The following MYRIP variants were observed in gnomAD, a reference collection of about 807,000 sequenced individuals.
MYRIP encodes myosin VIIA and Rab interacting protein, also known as rab effector MyRIP.
In MYRIP, 49 loss-of-function variants were observed where a neutral mutation model predicts 98.0. The ratio of observed to expected loss-of-function variants is 0.50; its 90% CI spans 0.40 to 0.63. The LOEUF (loss-of-function observed/expected upper bound fraction) is 0.63. MYRIP is among the 30% of genes least tolerant of loss of function. The probability of loss-of-function intolerance (pLI) is 0.00; values close to 1 mark genes in which losing one functional copy is unlikely to be tolerated. For synonymous variants in MYRIP, 404 were observed against 409.5 expected, an observed-to-expected ratio of 0.99 and a Z score of 0.16; for missense variants, 1,004 against 1,058.2, an observed-to-expected ratio of 0.95 and a Z score of 0.71.
chr3:40,134,119 G>A lies in MYRIP; in HGVS notation c.333-16929G>A, dbSNP rs149295796. On this transcript the variant is annotated intron_variant, in intron 3 of 16. Coordinates refer to ENST00000302541, the MANE Select transcript of MYRIP (RefSeq NM_015460.4). ...CACCCGGGAAGCGCAAGAAATCAGG[G>A]AATTCCCTTTCCGAGTCAAAAAAAG... Among the ~76,000 whole-genome samples, 1,401 of 152,334 alleles carry A rather than the reference G, an allele frequency of 9.2e-3. 10 individuals are homozygous for A. The highest frequency in any genetic ancestry group is 0.014 in the South Asian group (69 of 4,830).
intron 2 of MYRIP, among the ~76,000 whole-genome samples, chr3:39,983,354 G>T (rs1300213752): frequency 2.0e-5 from 3 of 152,116 alleles, no homozygotes; most frequent in East Asian, 1.9e-4. Context: ...TGCGTATCAG[G>T]TATACATTCA....
In MYRIP at chr3:39,977,278, G is replaced by C. The variant is rs191295706; in HGVS notation, c.111-66772G>C. The stretch of plus-strand genomic sequence containing the variant: ...TGAGGACTAGAAGGAAATGAGGGGG[G>C]CAAGTCTTCAGGCCAGGCTCAGGCT... On this transcript the variant is annotated intron_variant, in intron 2 of 16. Transcript: ENST00000302541. Among the ~76,000 whole-genome samples the C allele has an allele frequency of 5.5e-3, 835 of 152,168 alleles. 5 individuals carry two copies. The highest frequency in any genetic ancestry group is 8.1e-3 in the Admixed American group (124 of 15,288).
chr3:40,239,309 G>C (rs1952925194), intron 12 of MYRIP, among the ~76,000 whole-genome samples: 1 of 150,632 alleles, frequency 6.6e-6, no homozygotes, highest in South Asian at 2.1e-4. Flanking sequence ...GTCTATCATT[G>C]TTGGACATTT....
At chr3:40,196,286 T>G (rs1951392405) in intron 10 of MYRIP, among the ~76,000 whole-genome samples, 1 of 152,164 alleles carries the variant, frequency 6.6e-6, no homozygotes, top group South Asian at 2.1e-4. Flanking sequence ...TTTTACTTTC[T>G]TGTTTTCATA....
At position 40,016,720 on chromosome 3, in the gene MYRIP, C is replaced by T. The variant is rs1946869739; in HGVS notation, c.111-27330C>T. ...TCTGATCTAAGTCAGAGGTCATTGT[C>T]ACAGCTTGAAATTACTGTATCTCAA... On this transcript the variant is annotated intron_variant, in intron 2 of 16. Coordinates refer to ENST00000302541, the MANE Select transcript of MYRIP (RefSeq NM_015460.4). 4.6e-5 allele frequency among the ~76,000 whole-genome samples: 7 copies of T among 152,320 alleles called. 1 individual carries two copies. The South Asian group carries it at 1.5e-3, about 32-fold the overall frequency.
rs553586843 is a variant in MYRIP, at chr3:39,921,710, G to A, written c.110+20784G>A. Among the ~76,000 whole-genome samples the A allele has an allele frequency of 3.8e-3, 579 of 151,896 alleles. 6 individuals carry two copies. Among genetic ancestry groups the A allele is most frequent in the Non-Finnish European group, 7.5e-4 (51 of 67,920 alleles). On this transcript the variant is annotated intron_variant, in intron 2 of 16. Coordinates refer to ENST00000302541, the MANE Select transcript of MYRIP (RefSeq NM_015460.4). ...AGCCTGGCCAACATGGTGAAACCCC[G>A]TCTCTACTAAAAATACAAAAATTAG...
chr3:39,857,255 G>GAGGGAGGAAGGAAGGAAGGAAGGA (rs1553639786), intron 1 of MYRIP, among the ~76,000 whole-genome samples: 1 of 135,860 alleles, frequency 7.4e-6, no homozygotes, highest in African/African-American at 3.0e-5. Context: ...GGGAGGGAGG[G>GAGGGAGGAAGGAAGGAAGGAAGGA]AGGAAGGAAG....
At chr3:39,875,715 A>G (rs1445640595) in intron 1 of MYRIP, among the ~76,000 whole-genome samples, 1 of 150,892 alleles carries the variant, frequency 6.6e-6, no homozygotes, top group Non-Finnish European at 1.5e-5. Context: ...ACAGTTTGTT[A>G]TAATTTCTGT....
intron 1 of MYRIP, among the ~76,000 whole-genome samples, chr3:39,868,540 C>A (rs1014606026): frequency 1.3e-5 from 2 of 152,082 alleles, no homozygotes; most frequent in Admixed American, 1.3e-4. Flanking sequence ...TATTGAGCAC[C>A]AATTATATGC....
intron 3 of MYRIP, among the ~76,000 whole-genome samples, chr3:40,105,631 A>G (rs944872388): frequency 1.3e-5 from 2 of 152,122 alleles, no homozygotes; most frequent in African/African-American, 4.8e-5. Context: ...TTAAAGAAAT[A>G]CCCAAGATTG....
intron 1 of MYRIP, among the ~76,000 whole-genome samples, chr3:39,882,079 T>C (rs1943169747): frequency 6.6e-6 from 1 of 152,192 alleles, no homozygotes; most frequent in African/African-American, 2.4e-5. Context: ...TAATCTGATT[T>C]ATGAATATTA....
At chr3:39,951,769 A>G (rs1210343426) in intron 2 of MYRIP, among the ~76,000 whole-genome samples, 2 of 152,132 alleles carry the variant, frequency 1.3e-5, no homozygotes, top group Non-Finnish European at 2.9e-5. Context: ...CCCCTATTCT[A>G]GAGGACTCTG....
At chr3:40,083,609 A>T (rs558871103) in intron 3 of MYRIP, among the ~76,000 whole-genome samples, 1 of 152,218 alleles carries the variant, frequency 6.6e-6, no homozygotes, top group African/African-American at 2.4e-5. Context: ...ATCCAGATCT[A>T]TGCCAAGACA....
At chr3:40,240,733 A>G (rs1952983659) in intron 12 of MYRIP, among the ~76,000 whole-genome samples, 1 of 152,170 alleles carries the variant, frequency 6.6e-6, no homozygotes, top group African/African-American at 2.4e-5. Flanking sequence ...CACCCTCCAC[A>G]GCAGCACGCA....
chr3:40,143,408 G>A (rs369647803), intron 3 of MYRIP, among the ~76,000 whole-genome samples: 1 of 152,142 alleles, frequency 6.6e-6, no homozygotes, highest in East Asian at 1.9e-4. Context: ...GGGTGCTGGG[G>A]TCCTCACAGC....
intron 1 of MYRIP, among the ~76,000 whole-genome samples, chr3:39,822,666 C>T (rs148044929): frequency 1.3e-5 from 2 of 152,160 alleles, no homozygotes; most frequent in Non-Finnish European, 2.9e-5. Context: ...AATTTTGTAT[C>T]ATTTAACAAT....
chr3:40,233,788 CAT>C (rs1952735327), intron 11 of MYRIP, 69 bp from the exon 12 acceptor site: 2 of 1,395,608 alleles, frequency 1.4e-6, no homozygotes, highest in Admixed American at 2.0e-5. Context: ...GTCATGATAA[CAT>C]AGAATTTCTG....
intron 3 of MYRIP, among the ~76,000 whole-genome samples, chr3:40,128,857 G>A (rs969105976): frequency 1.3e-5 from 2 of 152,172 alleles, no homozygotes; most frequent in African/African-American, 4.8e-5. Context: ...ACAAAGGAAT[G>A]TTAGTTTAGC....
At chr3:40,234,135 TG>T (rs1248713044) in intron 12 of MYRIP, 82 bp downstream of exon 12, 1 of 1,393,016 alleles carries the variant, frequency 7.2e-7, no homozygotes, top group African/African-American at 1.5e-5. Flanking sequence ...TCGTGAAGAG[TG>T]CAAGGACACA....
Sources: gnomAD v4.1 joint callset for allele counts (sites outside exome capture counted in the v4.1 genomes callset) on GRCh38, gnomAD v4.1.1 for gene constraint, MANE v1.5 for transcripts, NCBI Gene and HGNC (gene_info 2026-07-23, HGNC 2026-07-21) for gene names.